Variants in CDC42BPA observed in about 807,000 individuals in gnomAD.
The protein encoded by CDC42BPA is serine/threonine-protein kinase MRCK alpha.
In CDC42BPA, 80 loss-of-function variants were observed where a neutral mutation model predicts 223.5. The observed-to-expected ratio is 0.36, with a 90% CI of 0.30 to 0.43. CDC42BPA has a LOEUF of 0.43. Ranked by LOEUF, CDC42BPA falls within the 20% of genes least tolerant of loss-of-function variation. CDC42BPA has a pLI of 1.00. For synonymous variants in CDC42BPA, 694 were observed against 718.6 expected (o/e 0.97, Z 0.55); for missense variants, 1,743 against 2,099.9 (o/e 0.83, Z 3.32).
intron 11 of CDC42BPA, among the ~76,000 whole-genome samples, chr1:227,126,287 G>A (rs1397910329): frequency 1.3e-5 from 2 of 152,118 alleles, no homozygotes; most frequent in African/African-American, 2.4e-5. Flanking sequence ...ACTCTTAAAT[G>A]TTCACATCGA....
At chr1:227,075,474 A>G (rs1432945551) in intron 17 of CDC42BPA, among the ~76,000 whole-genome samples, 3 of 152,208 alleles carry the variant, frequency 2.0e-5, no homozygotes, top group African/African-American at 7.2e-5. Context: ...TCTTTGGAGT[A>G]TAAGCAAAAG....
chr1:227,290,162 C>A (rs1199341005), intron 1 of CDC42BPA, among the ~76,000 whole-genome samples: 2 of 152,168 alleles, frequency 1.3e-5, no homozygotes, highest in Non-Finnish European at 2.9e-5. Context: ...TCCCACTATG[C>A]CTCAACTGCA....
In CDC42BPA at chr1:226,990,196, T is replaced by G. The variant is rs1245509262; in HGVS notation, c.*4072A>C. ...CTGTACAATATTACGAGAAAAACCC[T>G]AAAAAATTTATAAAATGAATGATAT... On this transcript the variant is annotated 3_prime_UTR_variant, in exon 37 of 37. Transcript: ENST00000366766. 3 of 152,074 alleles carry G rather than the reference T, an allele frequency of 2.0e-5. No individual in the cohort carries two copies. 9.4% of individuals were successfully genotyped at this position (152,074 alleles called of 1,614,324 possible).
intron 1 of CDC42BPA, among the ~76,000 whole-genome samples, chr1:227,315,088 T>C (rs1180488194): frequency 6.6e-6 from 1 of 152,072 alleles, no homozygotes; most frequent in Non-Finnish European, 1.5e-5. Context: ...CTCAAATAAC[T>C]TAAAGACAGC....
intron 34 of CDC42BPA, among the ~76,000 whole-genome samples, chr1:227,011,367 AAC>A (rs1463939071): frequency 1.6e-4 from 24 of 152,232 alleles, no homozygotes; most frequent in Admixed American, 5.9e-4. Context: ...CTTATGTAAT[AAC>A]ACAATCAAAA....
At chr1:227,171,768 A>C (rs191087080) in intron 5 of CDC42BPA, among the ~76,000 whole-genome samples, 26 of 152,300 alleles carry the variant, frequency 1.7e-4, no homozygotes, top group Non-Finnish European at 2.9e-4. Flanking sequence ...GACATTAGTT[A>C]ATCTATATAG....
intron 20 of CDC42BPA, among the ~76,000 whole-genome samples, chr1:227,071,710 T>TCC (rs1321893466): frequency 1.2e-3 from 14 of 11,736 alleles, no homozygotes; most frequent in African/African-American, 3.0e-3. Context: ...TGAAAGTGAA[T>TCC]CCCACCCCCC....
chr1:227,120,160 A>T (rs78944317), intron 11 of CDC42BPA, among the ~76,000 whole-genome samples: 9,003 of 151,738 alleles, frequency 0.059, 276 homozygotes, highest in Non-Finnish European at 0.072. Flanking sequence ...AATGCCTTAC[A>T]TACTCATTAG....
chr1:227,082,707 T>A (rs1680951264), intron 16 of CDC42BPA, among the ~76,000 whole-genome samples: 1 of 102,320 alleles, frequency 9.8e-6, no homozygotes, highest in South Asian at 3.7e-4. Context: ...AGAATGAGAC[T>A]CTGTCTCAAA....
At chr1:227,025,528 A>G (rs1174467624) in intron 31 of CDC42BPA, among the ~76,000 whole-genome samples, 1 of 152,182 alleles carries the variant, frequency 6.6e-6, no homozygotes, top group East Asian at 1.9e-4. Context: ...CAGTTCTATA[A>G]TTGTAAAAAT....
rs1452231440 is a variant in CDC42BPA at position 227,125,484 on chromosome 1, C to T, written c.1513+3625G>A. Among the ~76,000 whole-genome samples the T allele has an allele frequency of 2.0e-5, 3 of 151,584 alleles. No individual in the cohort carries two copies. In the South Asian group the frequency reaches 6.3e-4, roughly 32 times the overall value. On this transcript the variant is annotated intron_variant, in intron 11 of 36. Transcript: ENST00000366766. ...AAAAATTAGCTGGGTGTGGTCCCAGCTACTCAGGAGGATGAGGCACAAGAA... is the reference window on the plus strand; with the variant it reads ...AAAAATTAGCTGGGTGTGGTCCCAGTTACTCAGGAGGATGAGGCACAAGAA...
chr1:226,993,994 T>G lies in CDC42BPA; in HGVS notation c.*274A>C. ...TGTCTATTTAAGCTACCTTTGGGAG[T>G]AGGGGTAAAATGTTACTGAAAGCAA... On this transcript the variant is annotated 3_prime_UTR_variant, in exon 37 of 37. Coordinates refer to ENST00000366766, the MANE Select transcript of CDC42BPA (RefSeq NM_001394014.1). 2.8e-6 allele frequency: 1 copy of G among 350,976 alleles called. No homozygotes were observed. Among genetic ancestry groups the G allele is most frequent in the South Asian group, 4.0e-5 (1 of 25,160 alleles). The allele number at this position is 350,976 out of a possible 1,614,324, so 21.7% of individuals were successfully genotyped here.
intron 32 of CDC42BPA, among the ~76,000 whole-genome samples, chr1:227,019,035 C>T (rs1050076961): frequency 2.6e-5 from 4 of 152,176 alleles, no homozygotes; most frequent in Non-Finnish European, 5.9e-5. Context: ...GCCACACTAA[C>T]TCCTCCTTTC....
At chr1:227,099,176 T>C (rs534679632) in intron 15 of CDC42BPA, among the ~76,000 whole-genome samples, 17 of 152,240 alleles carry the variant, frequency 1.1e-4, no homozygotes, top group Admixed American at 6.5e-5. Flanking sequence ...AATAAATGAC[T>C]GTGTTACTGG....
chr1:227,148,985 G>A (rs925179543), intron 6 of CDC42BPA, among the ~76,000 whole-genome samples: 7 of 151,594 alleles, frequency 4.6e-5, no homozygotes, highest in African/African-American at 7.3e-5. Context: ...ACACAAAAGC[G>A]AGTACCTTAT....
At chr1:227,211,876 C>T (rs1673974700) in intron 3 of CDC42BPA, among the ~76,000 whole-genome samples, 1 of 152,008 alleles carries the variant, frequency 6.6e-6, no homozygotes. Flanking sequence ...GCAATATATG[C>T]ATGTCAGCAA....
intron 5 of CDC42BPA, among the ~76,000 whole-genome samples, chr1:227,165,176 G>A (rs1160413939): frequency 1.3e-5 from 2 of 152,096 alleles, no homozygotes; most frequent in African/African-American, 2.4e-5. Context: ...GTTTATCTCT[G>A]CTCCCTCCAG....
At chr1:227,193,353 A>G (rs1320203283) in intron 5 of CDC42BPA, among the ~76,000 whole-genome samples, 1 of 151,876 alleles carries the variant, frequency 6.6e-6, no homozygotes, top group African/African-American at 2.4e-5. Context: ...AGCAACCGTG[A>G]CCGGCCGAGA....
intron 2 of CDC42BPA, among the ~76,000 whole-genome samples, chr1:227,239,878 C>T (rs542463297): frequency 1.3e-5 from 2 of 152,154 alleles, no homozygotes; most frequent in South Asian, 2.1e-4. Flanking sequence ...GATGTCCACC[C>T]TTGTGACACC....
Sources: gnomAD v4.1 joint callset for allele counts (sites outside exome capture counted in the v4.1 genomes callset) on GRCh38, gnomAD v4.1.1 for gene constraint, MANE v1.5 for transcripts, NCBI Gene and HGNC (gene_info 2026-07-23, HGNC 2026-07-21) for gene names.